The following DLG3 variants were observed in gnomAD, a reference collection of about 807,000 sequenced individuals.
DLG3 encodes disks large homolog 3.
In DLG3, 1 loss-of-function variant was observed where a neutral mutation model predicts 64.1. The observed-to-expected ratio is 0.02, with a 90% CI of 0.01 to 0.07. DLG3 has a LOEUF of 0.07. DLG3 is among the 10% of genes least tolerant of loss of function. The pLI is 1.00. For synonymous variants in DLG3, 245 were observed against 259.8 expected (o/e 0.94, Z 0.55); for missense variants, 429 against 669.5 (o/e 0.64, Z 3.96).
rs2087634531 is a variant in DLG3 at position 70,505,370 on chromosome X, T to G, written c.*3101T>G. On this transcript the variant is annotated 3_prime_UTR_variant, in exon 19 of 19. Transcript: ENST00000374360. The stretch of plus-strand genomic sequence containing the variant: ...AGGAGAGAGCCCTATCTCCTCCTGG[T>G]TTTGTTGCTGACATTGCAGCTGATC... 8.9e-6 allele frequency: 1 copy of G among 111,937 alleles called. No homozygotes were observed. Among genetic ancestry groups the G allele is most frequent in the Non-Finnish European group, 1.9e-5 (1 of 53,212 alleles). 9.2% of individuals were successfully genotyped at this position (111,937 alleles called of 1,213,427 possible). A position where few individuals can be genotyped will look rare whatever the true frequency, so the allele number is the denominator to read the frequency against.
rs200729766 is a variant in DLG3 at position 70,482,660 on chromosome X, G to GTTTTTTTTT, written c.1520+3397_1520+3398insTTTTTTTTT. Among the ~76,000 whole-genome samples, 146 of 69,188 alleles carry GTTTTTTTTT rather than the reference G, an allele frequency of 2.1e-3. 4 individuals are homozygous for GTTTTTTTTT. Among genetic ancestry groups the GTTTTTTTTT allele is most frequent in the Middle Eastern group, 8.7e-3 (1 of 115 alleles). 60.1% of individuals were successfully genotyped at this position (69,188 alleles called of 115,157 possible). A position where few individuals can be genotyped will look rare whatever the true frequency, so the allele number is the denominator to read the frequency against. ...TCAGGTTTGGGAAAATACATGTGTG[G>GTTTTTTTTT]TGTTTTTTTTTTTTTTTTTTTTTTT... On this transcript the variant is annotated intron_variant, in intron 10 of 18. Coordinates refer to ENST00000374360, the MANE Select transcript of DLG3 (RefSeq NM_021120.4).
intron 1 of DLG3, among the ~76,000 whole-genome samples, chrX:70,447,257 G>C (rs962145711): frequency 8.9e-6 from 1 of 111,746 alleles, no homozygotes; most frequent in Non-Finnish European, 1.9e-5. Flanking sequence ...GTACCACTGG[G>C]GCTGGGCTTG....
At chrX:70,483,454 C>A (rs1156960401) in intron 10 of DLG3, among the ~76,000 whole-genome samples, 1 of 112,895 alleles carries the variant, frequency 8.9e-6, no homozygotes, top group Non-Finnish European at 1.9e-5. Context: ...AAGATTTAAG[C>A]GGCAGGTGGT....
chrX:70,449,874 G>T lies in DLG3; in HGVS notation c.703+15G>T. On this transcript the variant is annotated intron_variant, in intron 4 of 18. Transcript: ENST00000374360. ...AGGGCCCAAAGGTGCGGCCCTCCAG[G>T]TTCCTGTGCTCCAGCCAGAGCCTTA... The T allele has an allele frequency of 3.4e-6, 4 of 1,172,585 alleles. No individual in the cohort carries two copies. Among genetic ancestry groups the T allele is most frequent in the Non-Finnish European group, 4.6e-6 (4 of 875,270 alleles).
At chrX:70,495,586 C>T in intron 13 of DLG3, 133 bp downstream of exon 13, 1 of 624,625 alleles carries the variant, frequency 1.6e-6, no homozygotes, top group Non-Finnish European at 2.7e-6. Context: ...GACATCACAG[C>T]AGGAAGAAGT....
At position 70,451,876 on chromosome X, in the gene DLG3, C is replaced by T; in HGVS notation, c.995C>T (p.Ala332Val). The change falls in exon 7 of 19, where the codon GCC becomes GTC. Residue 332 changes from alanine (A) to valine (V), a missense_variant. Ala to Val is a moderately conservative substitution (Grantham distance 64). Transcript: ENST00000374360. ...CCTTTCTTGATTCCAGCTTTTACTG[C>T]CTTGGCTGACAACCACATAAGCCAT... Reference protein sequence around the residue: ...APPDYASTFTALADNHISHNS... With the variant: ...APPDYASTFTVLADNHISHNS... 8.3e-7 allele frequency: 1 copy of T among 1,211,385 alleles called. No homozygotes were observed. Among genetic ancestry groups the T allele is most frequent in the Non-Finnish European group, 1.1e-6 (1 of 895,415 alleles).
At chrX:70,481,170 G>T (rs755208654) in intron 10 of DLG3, among the ~76,000 whole-genome samples, 19 of 111,836 alleles carry the variant, frequency 1.7e-4, no homozygotes, top group Admixed American at 1.4e-3. Context: ...TCAGAACCTG[G>T]CTTACTCTCT....
chrX:70,464,008 G>C (rs1379129604), intron 9 of DLG3, among the ~76,000 whole-genome samples: 1 of 110,103 alleles, frequency 9.1e-6, no homozygotes, highest in Non-Finnish European at 1.9e-5. Context: ...ACTGCACTCA[G>C]CCCCTTTTTT....
intron 10 of DLG3, among the ~76,000 whole-genome samples, chrX:70,483,243 C>T (rs1346629095): frequency 1.8e-5 from 2 of 112,408 alleles, no homozygotes; most frequent in African/African-American, 6.5e-5. Flanking sequence ...ATGATCATGA[C>T]ACTGTATTCC....
chrX:70,468,480 A>T (rs908669705), intron 9 of DLG3, among the ~76,000 whole-genome samples: 1 of 111,204 alleles, frequency 9.0e-6, no homozygotes, highest in African/African-American at 3.3e-5. Context: ...TGGCATGCTG[A>T]TCCGGCATGT....
rs749847726 is a variant in DLG3 at position 70,493,326 on chromosome X, GT to G, written c.1773+741del. 4,107 of 884,569 alleles carry G rather than the reference GT, an allele frequency of 4.6e-3. 4 individuals carry two copies. Among genetic ancestry groups the G allele is most frequent in the Non-Finnish European group, 4.2e-3 (2,675 of 644,078 alleles). 72.9% of individuals were successfully genotyped at this position (884,569 alleles called of 1,213,427 possible). ...TGCATGCTTTAAAATCCATTGTTCT[GT>G]TTTTTTTTTTCTTCTGTCCTTCCCC... is the stretch of plus-strand genomic sequence containing the variant. On this transcript the variant is annotated intron_variant, in intron 12 of 18. Transcript: ENST00000374360.
chrX:70,446,135 ACT>A (rs1235607242), intron 1 of DLG3, among the ~76,000 whole-genome samples: 1 of 109,837 alleles, frequency 9.1e-6, no homozygotes. Flanking sequence ...TGGAGATGTC[ACT>A]CTGAATGTGG....
intron 10 of DLG3, among the ~76,000 whole-genome samples, chrX:70,489,950 C>T (rs936671205): frequency 1.8e-5 from 2 of 111,088 alleles, no homozygotes; most frequent in Non-Finnish European, 3.8e-5. Context: ...GCAACCTCTG[C>T]CTCCCAGGTT....
intron 9 of DLG3, among the ~76,000 whole-genome samples, chrX:70,461,548 A>T (rs2086801077): frequency 1.9e-5 from 2 of 107,084 alleles, no homozygotes; most frequent in Admixed American, 2.0e-4. Flanking sequence ...AGGAATGCTG[A>T]TCTGATAAAA....
At chrX:70,496,657 G>T (rs2087460271) in intron 13 of DLG3, among the ~76,000 whole-genome samples, 2 of 112,437 alleles carry the variant, frequency 1.8e-5, no homozygotes, top group Admixed American at 9.4e-5. Context: ...TGGCAGGAAG[G>T]CTGGGGAGCC....
chrX:70,474,365 G>A (rs1018808938), intron 9 of DLG3, among the ~76,000 whole-genome samples: 1 of 111,297 alleles, frequency 9.0e-6, no homozygotes, highest in African/African-American at 3.3e-5. Context: ...ATTAAGACAC[G>A]AAATCAACAG....
At chrX:70,464,189 TTTTTCCTTTCC>T (rs2086848728) in intron 9 of DLG3, among the ~76,000 whole-genome samples, 2 of 74,316 alleles carry the variant, frequency 2.7e-5, no homozygotes, top group African/African-American at 1.4e-4. Context: ...TCCTTTTTTC[TTTTTCCTTTCC>T]TTTCCTTTCC....
chrX:70,497,213 G>A (rs1413891720), intron 13 of DLG3: 1 of 1,210,909 alleles, frequency 8.3e-7, no homozygotes, highest in South Asian at 1.8e-5. Flanking sequence ...GACAGCGAAA[G>A]CAGTTCCAGT....
At chrX:70,452,410 G>A in intron 7 of DLG3, 1 of 950,457 alleles carries the variant, frequency 1.1e-6, no homozygotes. Flanking sequence ...AGCCGGTGGG[G>A]CTGGCGGGAC....
Sources: gnomAD v4.1 joint callset for allele counts (sites outside exome capture counted in the v4.1 genomes callset) on GRCh38, gnomAD v4.1.1 for gene constraint, MANE v1.5 for transcripts, NCBI Gene and HGNC (gene_info 2026-07-23, HGNC 2026-07-21) for gene names.